The following WDHD1 variants were observed in gnomAD, a reference collection of about 807,000 sequenced individuals.
WDHD1 encodes WD repeat and HMG-box DNA-binding protein 1.
In WDHD1, 111 loss-of-function variants were observed where a neutral mutation model predicts 135.4. The observed-to-expected ratio is 0.82, with a 90% CI of 0.70 to 0.96. The LOEUF (loss-of-function observed/expected upper bound fraction) is 0.96. Ranked by LOEUF, WDHD1 falls within the 40% of genes least tolerant of loss-of-function variation. The pLI is 0.00. For missense variants in WDHD1, 1,351 were observed against 1,336.3 expected (o/e 1.01, Z -0.17); for synonymous variants, 434 against 439.0 (o/e 0.99, Z 0.14).
intron 18 of WDHD1, among the ~76,000 whole-genome samples, chr14:54,966,113 G>T (rs1035140700): frequency 6.8e-6 from 1 of 147,292 alleles, no homozygotes; most frequent in African/African-American, 2.5e-5. Context: ...CGGATCACGA[G>T]GTCAGGAGTT....
At chr14:55,009,570 T>C (rs1443821061) in intron 4 of WDHD1, among the ~76,000 whole-genome samples, 1 of 152,030 alleles carries the variant, frequency 6.6e-6, no homozygotes, top group Non-Finnish European at 1.5e-5. Context: ...TAGCCGGGAT[T>C]ATAGGCACCC....
chr14:55,001,967 T>C (rs1398397463), intron 8 of WDHD1, 126 bp downstream of exon 8: 3 of 673,156 alleles, frequency 4.5e-6, no homozygotes, highest in Non-Finnish European at 7.8e-6. Flanking sequence ...TGTTAGAAGA[T>C]GGACCACATA....
rs566566189 is a variant in WDHD1 at position 55,026,627 on chromosome 14, A to G, written c.77+84T>C. On this transcript the variant is annotated intron_variant, in intron 2 of 25. Coordinates refer to ENST00000360586, the MANE Select transcript of WDHD1 (RefSeq NM_007086.4). The stretch of plus-strand genomic sequence containing the variant: ...CATTATTCCTCTATCCGCATGAGTC[A>G]TTTTTAGCTGACTGCACATATAAAG... The G allele has an allele frequency of 1.3e-4, 172 of 1,351,566 alleles. No individual in the cohort carries two copies. In the African/African-American group the frequency reaches 2.2e-3, roughly 17 times the overall value. The allele number at this position is 1,351,566 out of a possible 1,614,324, so 83.7% of individuals were successfully genotyped here. A position where few individuals can be genotyped will look rare whatever the true frequency, so the allele number is the denominator to read the frequency against.
At chr14:54,967,854 A>G (rs974754863) in intron 16 of WDHD1, among the ~76,000 whole-genome samples, 16 of 152,160 alleles carry the variant, frequency 1.1e-4, no homozygotes, top group African/African-American at 3.6e-4. Flanking sequence ...CTCCTGGGCT[A>G]AAGTGTGCCT....
chr14:54,949,253 A>C (rs1402134412), intron 24 of WDHD1, among the ~76,000 whole-genome samples: 3 of 152,186 alleles, frequency 2.0e-5, no homozygotes, highest in South Asian at 2.1e-4. Context: ...AAAAACCTTG[A>C]AAAAAGATTA....
intron 7 of WDHD1, among the ~76,000 whole-genome samples, chr14:55,006,159 T>C (rs747520742): frequency 2.0e-5 from 3 of 152,178 alleles, no homozygotes; most frequent in Non-Finnish European, 2.9e-5. Context: ...CCACCACACA[T>C]AGGCTGTTGT....
intron 15 of WDHD1, among the ~76,000 whole-genome samples, chr14:54,983,778 C>T (rs1473936206): frequency 6.6e-6 from 1 of 151,674 alleles, no homozygotes; most frequent in Non-Finnish European, 1.5e-5. Context: ...CTCGGCCTCC[C>T]AGAGTGCTGG....
At chr14:54,996,275 A>G (rs1409039006) in intron 10 of WDHD1, among the ~76,000 whole-genome samples, 1 of 152,232 alleles carries the variant, frequency 6.6e-6, no homozygotes, top group East Asian at 1.9e-4. Context: ...TATAAAAATA[A>G]AGTGATAGAA....
rs777349691 is a variant in WDHD1 at position 54,957,113 on chromosome 14, G to A, written c.2837C>T (p.Ser946Phe). 6.2e-7 allele frequency: 1 copy of A among 1,614,018 alleles called. No homozygotes were observed. The highest frequency in any genetic ancestry group is 8.5e-7 in the Non-Finnish European group (1 of 1,180,020). Residue 946 changes from serine (S) to phenylalanine (F), a missense_variant, in exon 23 of 26, where the codon TCC (serine) becomes TTC (phenylalanine). This residue lies in a region of WDHD1 where 1,330 missense variants were observed against 1,296.1 expected (regional missense o/e 1.03). Transcript: ENST00000360586. ...LDNMGKSSKK[S>F]TALSRTTNNE... Reference sequence around the variant, plus strand: ...ATTTGTAGTTCGACTAAGTGCAGTGGATTTCTTGGATGATTTGCCCATATT... The same window carrying A: ...ATTTGTAGTTCGACTAAGTGCAGTGAATTTCTTGGATGATTTGCCCATATT...
At chr14:54,953,607 C>G (rs1222520262) in intron 24 of WDHD1, among the ~76,000 whole-genome samples, 1 of 152,184 alleles carries the variant, frequency 6.6e-6, no homozygotes, top group Non-Finnish European at 1.5e-5. Context: ...TTTGACCCAG[C>G]AATCCCATTA....
rs71410642 is a variant in WDHD1 at position 54,972,553 on chromosome 14, C to CAAAAAAAAAAAAAAAAA, written c.2064-5176_2064-5160dup. ...CCTGGGCAATAAAGCAAGACTGTCA[C>CAAAAAAAAAAAAAAAAA]AAAAAAAAAAAAAAAAAAAAAAAAA... is the stretch of plus-strand genomic sequence containing the variant. On this transcript the variant is annotated intron_variant, in intron 16 of 25. Transcript: ENST00000360586. 2.1e-3 allele frequency among the ~76,000 whole-genome samples: 53 copies of CAAAAAAAAAAAAAAAAA among 25,492 alleles called. 11 individuals carry two copies. The highest frequency in any genetic ancestry group is 2.7e-3 in the Non-Finnish European group (41 of 15,214). 16.7% of individuals were successfully genotyped at this position (25,492 alleles called of 152,430 possible).
chr14:54,960,631 C>G (rs1056246545), intron 21 of WDHD1, among the ~76,000 whole-genome samples: 7 of 151,894 alleles, frequency 4.6e-5, no homozygotes, highest in South Asian at 2.1e-4. Flanking sequence ...TCCCGAGTAG[C>G]TGGGATTACA....
intron 21 of WDHD1, among the ~76,000 whole-genome samples, chr14:54,962,295 GC>G (rs2041264527): frequency 6.6e-6 from 1 of 152,056 alleles, no homozygotes. Context: ...TAAGTAAAAT[GC>G]CTGACACTCA....
chr14:54,943,274 C>A (rs551092379), intron 25 of WDHD1, among the ~76,000 whole-genome samples: 3 of 152,310 alleles, frequency 2.0e-5, no homozygotes, highest in African/African-American at 7.2e-5. Flanking sequence ...GAACACCAGT[C>A]TTTTTCCCAA....
intron 2 of WDHD1, among the ~76,000 whole-genome samples, chr14:55,018,266 T>C (rs753549666): frequency 6.6e-6 from 1 of 152,184 alleles, no homozygotes; most frequent in Non-Finnish European, 1.5e-5. Flanking sequence ...AAGCTTTTAG[T>C]GAAATGCAAT....
chr14:54,997,036 C>T (rs1224333963), intron 10 of WDHD1, among the ~76,000 whole-genome samples: 6 of 151,458 alleles, frequency 4.0e-5, no homozygotes, highest in Non-Finnish European at 7.4e-5. Context: ...GTGATCCACC[C>T]GCCTCAGACT....
intron 11 of WDHD1, among the ~76,000 whole-genome samples, chr14:54,994,842 G>A (rs890587774): frequency 5.3e-5 from 8 of 151,944 alleles, no homozygotes; most frequent in African/African-American, 1.9e-4. Context: ...ACAGCTACAT[G>A]TGGCTAGTGG....
intron 10 of WDHD1, among the ~76,000 whole-genome samples, chr14:54,999,605 ATT>A (rs1157797295): frequency 6.6e-6 from 1 of 151,824 alleles, no homozygotes; most frequent in Non-Finnish European, 1.5e-5. Flanking sequence ...CCACTTTTTT[ATT>A]TTTATTTTTT....
At chr14:54,990,595 C>CA (rs576507654) in intron 12 of WDHD1, among the ~76,000 whole-genome samples, 5,479 of 85,706 alleles carry the variant, frequency 0.064, 134 homozygotes, top group Non-Finnish European at 0.067. Flanking sequence ...GACTCCATCT[C>CA]AAAAAAAAAA....
Sources: gnomAD v4.1 joint callset for allele counts (sites outside exome capture counted in the v4.1 genomes callset) on GRCh38, gnomAD v4.1.1 for gene constraint, gnomAD v4.1.1 regional missense constraint, MANE v1.5 for transcripts, NCBI Gene and HGNC (gene_info 2026-07-23, HGNC 2026-07-21) for gene names.